VAC14: variants seen among roughly 807,000 people sequenced by gnomAD.
VAC14 encodes VAC14 component of PIKFYVE complex.
A neutral mutation model predicts 85.3 loss-of-function variants in VAC14; 47 were observed. That is an observed-to-expected ratio of 0.55 (90% CI 0.44 to 0.70). The LOEUF (loss-of-function observed/expected upper bound fraction) is 0.70. Ranked by LOEUF, VAC14 falls within the 30% of genes least tolerant of loss-of-function variation. The pLI is 0.00. For missense variants in VAC14, 861 were observed against 1,004.3 expected (o/e 0.86, Z 1.93); for synonymous variants, 447 against 430.5 (o/e 1.04, Z -0.47).
At chr16:70,709,338 C>A (rs572395533) in intron 14 of VAC14, among the ~76,000 whole-genome samples, 2 of 152,256 alleles carry the variant, frequency 1.3e-5, no homozygotes, top group East Asian at 3.9e-4. Context: ...CACACTTTTC[C>A]GGGAAGACAG....
At position 70,751,506 on chromosome 16, in the gene VAC14, G is replaced by A. The variant is rs139309976; in HGVS notation, c.1372-6927C>T. On this transcript the variant is annotated intron_variant, in intron 12 of 18. Coordinates refer to ENST00000261776, the MANE Select transcript of VAC14 (RefSeq NM_018052.5). Reference sequence around the variant, plus strand: ...AGCTGATGTGAAGTACACAGGCCCCGAGGGCAGGTATTCCTGGAAAACCTT... The same window carrying A: ...AGCTGATGTGAAGTACACAGGCCCCAAGGGCAGGTATTCCTGGAAAACCTT... Among the ~76,000 whole-genome samples the A allele has an allele frequency of 5.4e-3, 825 of 152,392 alleles. 3 individuals are homozygous for A. Among genetic ancestry groups the A allele is most frequent in the Non-Finnish European group, 9.8e-3 (670 of 68,042 alleles).
intron 14 of VAC14, among the ~76,000 whole-genome samples, chr16:70,729,260 C>A (rs79035981): frequency 6.6e-6 from 1 of 152,190 alleles, no homozygotes; most frequent in Admixed American, 6.5e-5. Context: ...GCGCTGAGTT[C>A]GAGAAGCCCT....
rs753269783 is a variant in VAC14 at position 70,781,868 on chromosome 16, C to G, written c.946+1G>C. On this transcript the variant is annotated splice_donor_variant, in intron 8 of 18. Transcript: ENST00000261776. LOFTEE classifies it high-confidence loss of function. ...TTATTCTCTCCCAAAGCAAAGGATA[C>G]TTTTCTTGCGGTCATCGTAGGCCAA... The G allele has an allele frequency of 1.2e-6, 2 of 1,613,912 alleles. No homozygotes were observed. Among genetic ancestry groups the G allele is most frequent in the Non-Finnish European group, 1.7e-6 (2 of 1,179,904 alleles).
chr16:70,717,846 G>T (rs1209289925), intron 14 of VAC14, among the ~76,000 whole-genome samples: 3 of 152,152 alleles, frequency 2.0e-5, no homozygotes, highest in Admixed American at 2.0e-4. Flanking sequence ...GGCGGCAAGG[G>T]TTTCACCATG....
chr16:70,695,307 C>G (rs905280786), intron 17 of VAC14, among the ~76,000 whole-genome samples: 2 of 152,036 alleles, frequency 1.3e-5, no homozygotes, highest in Admixed American at 6.5e-5. Flanking sequence ...CAGATGAGAT[C>G]TCACTATGGT....
chr16:70,754,762 G>A (rs910699228), intron 12 of VAC14, among the ~76,000 whole-genome samples: 2 of 152,174 alleles, frequency 1.3e-5, no homozygotes, highest in Admixed American at 6.5e-5. Flanking sequence ...ATCTTACTGC[G>A]TGATCTGATT....
intron 14 of VAC14, chr16:70,699,958 C>T (rs911918112): frequency 6.6e-6 from 1 of 152,164 alleles, no homozygotes; most frequent in Non-Finnish European, 1.5e-5. Context: ...GGAAGCATCA[C>T]CACAGTTCCA....
chr16:70,750,663 G>A (rs1405566014), intron 12 of VAC14, among the ~76,000 whole-genome samples: 4 of 152,166 alleles, frequency 2.6e-5, no homozygotes, highest in African/African-American at 9.7e-5. Flanking sequence ...TGTGGGAGGA[G>A]GGTGAGTGTC....
chr16:70,796,180 C>T (rs1218455826), intron 1 of VAC14, among the ~76,000 whole-genome samples: 1 of 152,210 alleles, frequency 6.6e-6, no homozygotes, highest in Admixed American at 6.5e-5. Context: ...GAACTTTGTA[C>T]AACTGGATCC....
At chr16:70,779,601 A>G (rs2033707126) in intron 9 of VAC14, among the ~76,000 whole-genome samples, 1 of 152,196 alleles carries the variant, frequency 6.6e-6, no homozygotes, top group African/African-American at 2.4e-5. Context: ...AGCTTGATGT[A>G]TAACAGATGT....
chr16:70,705,326 G>A (rs1294719190), intron 14 of VAC14, among the ~76,000 whole-genome samples: 2 of 152,242 alleles, frequency 1.3e-5, no homozygotes, highest in Non-Finnish European at 2.9e-5. Context: ...AGCCTGGGAG[G>A]AGGAGAGGCC....
chr16:70,738,383 T>C (rs1247186336), intron 13 of VAC14, among the ~76,000 whole-genome samples: 8 of 152,138 alleles, frequency 5.3e-5, no homozygotes, highest in South Asian at 2.1e-4. Flanking sequence ...GCATCAATCA[T>C]AGCCAGGAGA....
At chr16:70,722,435 G>A (rs747416675) in intron 14 of VAC14, among the ~76,000 whole-genome samples, 24 of 152,250 alleles carry the variant, frequency 1.6e-4, no homozygotes, top group Non-Finnish European at 2.5e-4. Context: ...CAAACCGCAT[G>A]CAGCAGAAAC....
At position 70,801,047 on chromosome 16, in the gene VAC14, C is replaced by A; in HGVS notation, c.-147G>T. 1.9e-6 allele frequency: 1 copy of A among 515,538 alleles called. No homozygotes were observed. Among genetic ancestry groups the A allele is most frequent in the Non-Finnish European group, 3.3e-6 (1 of 306,672 alleles). 31.9% of individuals were successfully genotyped at this position (515,538 alleles called of 1,614,324 possible). On this transcript the variant is annotated 5_prime_UTR_variant, in exon 1 of 19. Transcript: ENST00000261776. ...GCTTGCCTGCCACGCTCCGCCGCCT[C>A]GCCCTGGAACCCGGGCCCGGACCCC...
intron 9 of VAC14, 86 bp downstream of exon 9, chr16:70,780,704 T>C (rs574217071): frequency 1.8e-4 from 273 of 1,488,154 alleles, no homozygotes; most frequent in Non-Finnish European, 1.6e-4. Flanking sequence ...CCTGGTTGCT[T>C]AAGTGAGGCC....
At chr16:70,778,238 C>T (rs2033622158) in intron 9 of VAC14, among the ~76,000 whole-genome samples, 1 of 152,146 alleles carries the variant, frequency 6.6e-6, no homozygotes, top group African/African-American at 2.4e-5. Context: ...AAACCCGGGC[C>T]TCCCGCGTGG....
chr16:70,779,757 C>T (rs2033713646), intron 9 of VAC14, among the ~76,000 whole-genome samples: 1 of 152,132 alleles, frequency 6.6e-6, no homozygotes, highest in Non-Finnish European at 1.5e-5. Context: ...GACAGAGACC[C>T]AAGAAATATG....
intron 14 of VAC14, among the ~76,000 whole-genome samples, chr16:70,720,291 G>A (rs1033389134): frequency 2.6e-5 from 4 of 152,156 alleles, no homozygotes; most frequent in African/African-American, 9.7e-5. Flanking sequence ...AAATTTACAA[G>A]AGCACACTCA....
chr16:70,703,638 C>T (rs1300260185), intron 14 of VAC14, among the ~76,000 whole-genome samples: 1 of 152,184 alleles, frequency 6.6e-6, no homozygotes, highest in African/African-American at 2.4e-5. Context: ...CTCTGCCTCC[C>T]CGTCTTGGGC....
Sources: allele counts gnomAD v4.1 joint callset (sites outside exome capture counted in the v4.1 genomes callset), GRCh38; gene constraint gnomAD v4.1.1; transcripts MANE v1.5; gene names NCBI Gene and HGNC (gene_info 2026-07-23, HGNC 2026-07-21).